The following LIN54 variants were observed in gnomAD, a reference collection of about 807,000 sequenced individuals.
The protein encoded by LIN54 is lin-54 DREAM MuvB core complex component.
Under a neutral mutation model 78.7 loss-of-function variants are expected in LIN54, and 9 were observed. The observed-to-expected ratio is 0.11, with a 90% CI of 0.07 to 0.20. LIN54 has a LOEUF of 0.20. Ranked by LOEUF, LIN54 falls within the 10% of genes least tolerant of loss-of-function variation. LIN54 has a pLI of 1.00. For missense variants in LIN54, 573 were observed against 889.9 expected, an observed-to-expected ratio of 0.64 and a Z score of 4.53; for synonymous variants, 269 against 318.4, an observed-to-expected ratio of 0.84 and a Z score of 1.65.
intron 5 of LIN54, among the ~76,000 whole-genome samples, chr4:82,945,923 T>A (rs1050411970): frequency 9.2e-5 from 14 of 152,246 alleles, no homozygotes; most frequent in Admixed American, 7.9e-4. Flanking sequence ...CAAGGGGCTT[T>A]ATAGTTTAGC....
At chr4:82,956,312 G>A (rs951739060) in intron 4 of LIN54, among the ~76,000 whole-genome samples, 4 of 149,942 alleles carry the variant, frequency 2.7e-5, no homozygotes, top group East Asian at 3.9e-4. Context: ...ACTTAGTCTC[G>A]CCTGGCCAAC....
chr4:82,931,470 G>A (rs1002601569), intron 11 of LIN54, among the ~76,000 whole-genome samples: 1 of 152,002 alleles, frequency 6.6e-6, no homozygotes, highest in Non-Finnish European at 1.5e-5. Context: ...AAAAATAAAG[G>A]TCATCCAGAA....
At chr4:82,953,441 T>A (rs745382837) in intron 4 of LIN54, among the ~76,000 whole-genome samples, 21 of 152,140 alleles carry the variant, frequency 1.4e-4, no homozygotes, top group Non-Finnish European at 2.2e-4. Context: ...ACATCCTATA[T>A]TACGTATATT....
At chr4:82,967,811 AC>A (rs1300516941) in intron 4 of LIN54, among the ~76,000 whole-genome samples, 4 of 152,174 alleles carry the variant, frequency 2.6e-5, no homozygotes, top group African/African-American at 9.7e-5. Flanking sequence ...GTCAAACAAA[AC>A]CTTGTCCTTT....
At chr4:82,937,181 C>G (rs756076813) in intron 9 of LIN54, 46 bp downstream of exon 9, 4 of 936,724 alleles carry the variant, frequency 4.3e-6, no homozygotes, top group Non-Finnish European at 7.1e-6. Context: ...CTTTTAAGTG[C>G]ATTTCTAATT....
chr4:82,937,078 C>A, intron 9 of LIN54, 149 bp downstream of exon 9: 1 of 679,286 alleles, frequency 1.5e-6, no homozygotes, highest in East Asian at 2.6e-5. Context: ...TTTTACACTG[C>A]CATATATGTT....
At chr4:82,979,351 CA>C (rs1245581215) in intron 2 of LIN54, among the ~76,000 whole-genome samples, 3 of 151,902 alleles carry the variant, frequency 2.0e-5, no homozygotes, top group Non-Finnish European at 4.4e-5. Context: ...ACAAATTACT[CA>C]ATAATAAAAA....
chr4:82,964,923 G>A (rs534808470), intron 4 of LIN54, among the ~76,000 whole-genome samples: 4 of 152,174 alleles, frequency 2.6e-5, no homozygotes, highest in African/African-American at 4.8e-5. Context: ...ACTTGAACCC[G>A]GGAGGCAGAG....
At chr4:82,941,101 G>A (rs1722824440) in intron 5 of LIN54, among the ~76,000 whole-genome samples, 1 of 148,192 alleles carries the variant, frequency 6.7e-6, no homozygotes, top group East Asian at 2.0e-4. Context: ...GTCCAAATAA[G>A]ATAAATATTA....
chr4:82,963,333 G>T (rs796786383), intron 4 of LIN54, among the ~76,000 whole-genome samples: 20 of 152,142 alleles, frequency 1.3e-4, no homozygotes, highest in African/African-American at 4.8e-4. Context: ...TTCATTAAAA[G>T]AAACATTTTA....
chr4:82,961,727 CG>C (rs1442421919), intron 4 of LIN54, among the ~76,000 whole-genome samples: 2 of 152,032 alleles, frequency 1.3e-5, no homozygotes, highest in Admixed American at 1.3e-4. Context: ...CTGAAGCGGG[CG>C]GATCACCTGA....
rs980903033 is a variant in LIN54 at position 82,925,828 on chromosome 4, C to G, written c.*2274G>C. 6.6e-6 allele frequency: 1 copy of G among 152,476 alleles called. No homozygotes were observed. Among genetic ancestry groups the G allele is most frequent in the Non-Finnish European group, 1.5e-5 (1 of 67,996 alleles). 9.4% of individuals were successfully genotyped at this position (152,476 alleles called of 1,614,324 possible). On this transcript the variant is annotated 3_prime_UTR_variant, in exon 13 of 13. Coordinates refer to ENST00000340417, the MANE Select transcript of LIN54 (RefSeq NM_194282.4). ...TAGCTCTAGTAAATATAAATTTAAT[C>G]TTTCTACTTTGGGATGTAAATAGAG...
Position 82,950,656 on chromosome 4 carries a change from A to G in LIN54, c.952-4182T>C, listed in dbSNP as rs1256106272. Among the ~76,000 whole-genome samples the G allele has an allele frequency of 2.0e-5, 3 of 152,356 alleles. No individual in the cohort carries two copies. In the East Asian group the frequency reaches 5.8e-4, roughly 29 times the overall value. Reference sequence around the variant, plus strand: ...AAGCAAATATCTTAATTTAGATTCAAAATAGCTATGTTTAACATATATAAG... The same window carrying G: ...AAGCAAATATCTTAATTTAGATTCAGAATAGCTATGTTTAACATATATAAG... On this transcript the variant is annotated intron_variant, in intron 4 of 12. Transcript: ENST00000340417.
chr4:82,987,149 G>T (rs1727219172), intron 1 of LIN54, among the ~76,000 whole-genome samples: 1 of 152,200 alleles, frequency 6.6e-6, no homozygotes, highest in South Asian at 2.1e-4. Flanking sequence ...AAATTAGCTA[G>T]GCGTGGTGGT....
At chr4:82,983,471 T>C (rs907839582) in intron 2 of LIN54, among the ~76,000 whole-genome samples, 1 of 152,182 alleles carries the variant, frequency 6.6e-6, no homozygotes, top group African/African-American at 2.4e-5. Context: ...ATTTTGAGAA[T>C]TATACTACAC....
At chr4:82,930,199 T>C (rs1244905183) in intron 12 of LIN54, among the ~76,000 whole-genome samples, 1 of 152,196 alleles carries the variant, frequency 6.6e-6, no homozygotes, top group African/African-American at 2.4e-5. Flanking sequence ...GTGCCTGGCC[T>C]ACTTAGGCAT....
At chr4:83,005,223 GT>G (rs1280849735) in intron 1 of LIN54, among the ~76,000 whole-genome samples, 4 of 151,986 alleles carry the variant, frequency 2.6e-5, no homozygotes, top group Non-Finnish European at 5.9e-5. Context: ...TTTATACTTG[GT>G]TTTATATTTA....
rs565765185 is a variant in LIN54 at position 82,964,922 on chromosome 4, C to T, written c.951+5405G>A. On this transcript the variant is annotated intron_variant, in intron 4 of 12. Coordinates refer to ENST00000340417, the MANE Select transcript of LIN54 (RefSeq NM_194282.4). ...CTGAGGCAGGAGAATCACTTGAACC[C>T]GGGAGGCAGAGGTTGCAGTGAGCCA... 1.4e-3 allele frequency among the ~76,000 whole-genome samples: 209 copies of T among 152,064 alleles called. 1 individual carries two copies. The highest frequency in any genetic ancestry group is 4.7e-3 in the African/African-American group (193 of 41,488).
chr4:82,961,932 G>A (rs1455650626), intron 4 of LIN54, among the ~76,000 whole-genome samples: 1 of 151,000 alleles, frequency 6.6e-6, no homozygotes, highest in African/African-American at 2.4e-5. Flanking sequence ...CTCCAGTCTG[G>A]GCAACAGAGT....
Sources: gnomAD v4.1 joint callset for allele counts (sites outside exome capture counted in the v4.1 genomes callset) on GRCh38, gnomAD v4.1.1 for gene constraint, MANE v1.5 for transcripts, NCBI Gene and HGNC (gene_info 2026-07-23, HGNC 2026-07-21) for gene names.